Variants in EYS observed in about 807,000 individuals in gnomAD.
EYS encodes EGF-like photoreceptor maintenance factor, also known as protein eyes shut homolog.
In EYS, 250 loss-of-function variants were observed where a neutral mutation model predicts 282.1. That is an observed-to-expected ratio of 0.89 (90% confidence interval 0.80 to 0.98). EYS has a LOEUF of 0.98. Ranked by LOEUF, EYS falls within the 50% of genes least tolerant of loss-of-function variation. The pLI, the probability that EYS is intolerant of heterozygous loss-of-function variation, is 0.00. For synonymous variants in EYS, 1,355 were observed against 1,282.9 expected (o/e 1.06, Z -1.20); for missense variants, 4,016 against 3,709.0 (o/e 1.08, Z -2.15).
At chr6:63,837,127 C>T (rs945574966) in intron 36 of EYS, among the ~76,000 whole-genome samples, 2 of 151,752 alleles carry the variant, frequency 1.3e-5, no homozygotes, top group African/African-American at 4.8e-5. Context: ...GATTTGAATT[C>T]AAAAAAATAT....
intron 5 of EYS, among the ~76,000 whole-genome samples, chr6:65,420,400 C>T (rs542594371): frequency 5.4e-5 from 8 of 147,458 alleles, no homozygotes; most frequent in East Asian, 1.9e-4. Context: ...AGTTGTATCA[C>T]GAAATGGCAG....
chr6:64,731,801 C>T (rs532745282), intron 22 of EYS, among the ~76,000 whole-genome samples: 1 of 152,242 alleles, frequency 6.6e-6, no homozygotes, highest in South Asian at 2.1e-4. Flanking sequence ...TCCAGCAATC[C>T]CATTACTGCG....
At chr6:63,991,916 C>A (rs1034440601) in intron 34 of EYS, among the ~76,000 whole-genome samples, 4 of 151,666 alleles carry the variant, frequency 2.6e-5, no homozygotes, top group African/African-American at 9.7e-5. Context: ...CCTTGCACAT[C>A]AGAAGGGAAA....
intron 16 of EYS, among the ~76,000 whole-genome samples, chr6:64,907,894 T>C (rs1184393457): frequency 2.0e-5 from 3 of 152,070 alleles, no homozygotes; most frequent in Non-Finnish European, 4.4e-5. Flanking sequence ...TGAGAGGTGA[T>C]CCCAGATCCC....
chr6:64,583,128 T>C (rs1766127519), intron 26 of EYS, among the ~76,000 whole-genome samples: 1 of 152,170 alleles, frequency 6.6e-6, no homozygotes, highest in South Asian at 2.1e-4. Flanking sequence ...TTTAATGTAG[T>C]AAAGTAACTT....
At chr6:63,875,789 T>G (rs900355294) in intron 35 of EYS, among the ~76,000 whole-genome samples, 4 of 152,240 alleles carry the variant, frequency 2.6e-5, no homozygotes, top group Non-Finnish European at 5.9e-5. Context: ...CTGATGGTAG[T>G]GTGTATTTCC....
At chr6:63,995,916 A>G (rs1436237650) in intron 34 of EYS, among the ~76,000 whole-genome samples, 3 of 151,954 alleles carry the variant, frequency 2.0e-5, no homozygotes, top group African/African-American at 7.2e-5. Context: ...TAATAATAAC[A>G]TATTTAAAAA....
At chr6:65,553,581 T>G (rs1248488832) in intron 2 of EYS, among the ~76,000 whole-genome samples, 2 of 152,170 alleles carry the variant, frequency 1.3e-5, no homozygotes, top group East Asian at 3.8e-4. Flanking sequence ...CTTTTGTTAT[T>G]GTTAATTTGA....
chr6:63,730,501 A>ATGGTGC (rs1768755298), intron 41 of EYS, among the ~76,000 whole-genome samples: 1 of 152,210 alleles, frequency 6.6e-6, no homozygotes, highest in South Asian at 2.1e-4. Flanking sequence ...TGCACTGCAT[A>ATGGTGC]ACCCCAAGGG....
intron 31 of EYS, among the ~76,000 whole-genome samples, chr6:64,099,358 C>A (rs1415435851): frequency 6.6e-6 from 1 of 152,178 alleles, no homozygotes; most frequent in Non-Finnish European, 1.5e-5. Context: ...ATAATGTTTT[C>A]TTTACCTAGT....
intron 22 of EYS, among the ~76,000 whole-genome samples, chr6:64,745,619 C>G (rs989788586): frequency 2.0e-5 from 3 of 151,996 alleles, no homozygotes; most frequent in Non-Finnish European, 4.4e-5. Flanking sequence ...AATGGTACCA[C>G]TATGTATAAA....
intron 41 of EYS, among the ~76,000 whole-genome samples, chr6:63,745,831 A>G (rs537680283): frequency 1.3e-5 from 2 of 152,354 alleles, no homozygotes; most frequent in South Asian, 4.1e-4. Context: ...TTACTGAAGT[A>G]ATTAAGGTTA....
intron 22 of EYS, among the ~76,000 whole-genome samples, chr6:64,714,516 CTTTTTT>C (rs55730437): frequency 2.3e-5 from 3 of 127,912 alleles, no homozygotes; most frequent in Non-Finnish European, 3.3e-5. Flanking sequence ...TTCTTTCTTT[CTTTTTT>C]TTTTTTTTTT....
At chr6:65,597,533 T>G (rs1446838102) in intron 2 of EYS, among the ~76,000 whole-genome samples, 2 of 152,080 alleles carry the variant, frequency 1.3e-5, no homozygotes, top group Admixed American at 1.3e-4. Context: ...TTGGAAAGTA[T>G]TAGCTACATG....
At position 63,872,311 on chromosome 6, in the gene EYS, GGT is replaced by G. The variant is rs750156894; in HGVS notation, c.7056-7955_7056-7954del. ...CTCCATCGTGCTCTGCATACCAGGT[GGT>G]GTGTGTGTGTGTGTGCACAAGTGTG... On this transcript the variant is annotated intron_variant, in intron 35 of 42. Transcript: ENST00000503581. Among the ~76,000 whole-genome samples, 199 of 150,432 alleles carry G rather than the reference GGT, an allele frequency of 1.3e-3. 1 individual carries two copies. Among genetic ancestry groups the G allele is most frequent in the African/African-American group, 3.7e-3 (151 of 41,062 alleles).
chr6:64,524,211 T>A (rs186496766), intron 26 of EYS, among the ~76,000 whole-genome samples: 29 of 148,838 alleles, frequency 1.9e-4, no homozygotes, highest in African/African-American at 7.0e-4. Context: ...TATAGATATA[T>A]TTTTTTGCCA....
intron 34 of EYS, among the ~76,000 whole-genome samples, chr6:63,988,834 C>T (rs915444430): frequency 6.6e-6 from 1 of 151,628 alleles, no homozygotes; most frequent in Non-Finnish European, 1.5e-5. Flanking sequence ...ACTCCTTTTC[C>T]TTTAGAGTTT....
At chr6:65,697,290 C>T (rs1055642369) in intron 1 of EYS, among the ~76,000 whole-genome samples, 8 of 152,058 alleles carry the variant, frequency 5.3e-5, no homozygotes, top group African/African-American at 1.9e-4. Context: ...CTATTCTTCA[C>T]AAGCTAATGT....
At chr6:64,827,174 A>C (rs1257702681) in intron 19 of EYS, among the ~76,000 whole-genome samples, 1 of 151,844 alleles carries the variant, frequency 6.6e-6, no homozygotes, top group Non-Finnish European at 1.5e-5. Flanking sequence ...TTAAAATTAA[A>C]CATTCTCAAT....
Sources: gnomAD v4.1 joint callset for allele counts (sites outside exome capture counted in the v4.1 genomes callset) on GRCh38, gnomAD v4.1.1 for gene constraint, MANE v1.5 for transcripts, NCBI Gene and HGNC (gene_info 2026-07-23, HGNC 2026-07-21) for gene names.